DAAM1: variants seen among roughly 807,000 people sequenced by gnomAD.
DAAM1 encodes the protein dishevelled associated activator of morphogenesis 1.
DAAM1 carries 52 observed loss-of-function variants against 130.0 expected under a neutral mutation model. The ratio of observed to expected loss-of-function variants is 0.40; its 90% CI spans 0.32 to 0.50. The LOEUF (loss-of-function observed/expected upper bound fraction) is 0.50, where lower values mean the gene tolerates loss of function less well. Among genes scored for constraint, DAAM1 ranks in the 20% least tolerant of loss-of-function variants. DAAM1 has a pLI of 0.61. For missense variants in DAAM1, 1,134 were observed against 1,303.8 expected (o/e 0.87, Z 2.01); for synonymous variants, 452 against 444.5 (o/e 1.02, Z -0.21).
chr14:59,262,023 A>C (rs1173351132), intron 1 of DAAM1, among the ~76,000 whole-genome samples: 1 of 150,404 alleles, frequency 6.6e-6, no homozygotes, highest in African/African-American at 2.4e-5. Flanking sequence ...CTGCCCTTCC[A>C]TCTCTTGAAG....
chr14:59,214,109 G>A (rs182985320), intron 1 of DAAM1, among the ~76,000 whole-genome samples: 1 of 152,322 alleles, frequency 6.6e-6, no homozygotes, highest in East Asian at 1.9e-4. Flanking sequence ...CTGTGATTCC[G>A]AGGATCTTTG....
At chr14:59,320,903 A>G (rs1011376042) in intron 5 of DAAM1, among the ~76,000 whole-genome samples, 7 of 152,200 alleles carry the variant, frequency 4.6e-5, no homozygotes, top group African/African-American at 1.7e-4. Context: ...GGGTTTTAAC[A>G]GTTTCTCAGA....
At chr14:59,273,232 T>C (rs1008734) in intron 2 of DAAM1, among the ~76,000 whole-genome samples, 49,719 of 152,122 alleles carry the variant, frequency 0.33, 9,485 homozygotes, top group East Asian at 0.56. Flanking sequence ...TCTGAATGTA[T>C]ATTGTATCTT....
intron 3 of DAAM1, among the ~76,000 whole-genome samples, chr14:59,307,958 G>A (rs1884435301): frequency 6.6e-6 from 1 of 152,024 alleles, no homozygotes; most frequent in African/African-American, 2.4e-5. Context: ...TTTAGTTTAC[G>A]GCCAACTTTG....
chr14:59,348,659 G>C (rs1389037878), intron 17 of DAAM1, among the ~76,000 whole-genome samples: 1 of 152,216 alleles, frequency 6.6e-6, no homozygotes, highest in African/African-American at 2.4e-5. Flanking sequence ...GGTGTGCCCT[G>C]TTCCAAGAGC....
intron 1 of DAAM1, among the ~76,000 whole-genome samples, chr14:59,212,799 G>C (rs1888465280): frequency 6.6e-6 from 1 of 152,070 alleles, no homozygotes; most frequent in Non-Finnish European, 1.5e-5. Flanking sequence ...ATTTCAGATG[G>C]AATATTGTTT....
intron 12 of DAAM1, among the ~76,000 whole-genome samples, chr14:59,327,408 T>TTTTC (rs1481088469): frequency 1.6e-4 from 20 of 123,636 alleles, no homozygotes; most frequent in African/African-American, 6.7e-4. Flanking sequence ...GTTTCTTTTT[T>TTTTC]TTTTTTTTTT....
At chr14:59,245,509 T>C (rs141871970) in intron 1 of DAAM1, among the ~76,000 whole-genome samples, 2 of 152,230 alleles carry the variant, frequency 1.3e-5, no homozygotes, top group Non-Finnish European at 2.9e-5. Flanking sequence ...TAGACACTTT[T>C]AGTCTTTTAT....
chr14:59,318,173 A>G (rs576602393), intron 4 of DAAM1, among the ~76,000 whole-genome samples: 2 of 152,004 alleles, frequency 1.3e-5, no homozygotes, highest in East Asian at 3.9e-4. Flanking sequence ...CTTTCTTTAT[A>G]TGTGGTTTCT....
At chr14:59,275,982 C>T (rs1345296628) in intron 2 of DAAM1, among the ~76,000 whole-genome samples, 1 of 152,158 alleles carries the variant, frequency 6.6e-6, no homozygotes, top group Middle Eastern at 3.2e-3. Context: ...TTACCAATCC[C>T]TTTTAGGGCT....
At position 59,311,773 on chromosome 14, in the gene DAAM1, T is replaced by G. The variant is rs545932803; in HGVS notation, c.274-3507T>G. On this transcript the variant is annotated intron_variant, in intron 3 of 24. Transcript: ENST00000360909. ...GATCTTGCTATGTCACCCTGGCTGG[T>G]GAACTCCTAGGCTCAAGTGATCCTC... Among the ~76,000 whole-genome samples, 3 of 152,296 alleles carry G rather than the reference T, an allele frequency of 2.0e-5. No homozygotes were observed. The South Asian group carries it at 6.2e-4, about 32-fold the overall frequency.
intron 3 of DAAM1, among the ~76,000 whole-genome samples, chr14:59,309,917 A>G (rs1254576701): frequency 6.6e-6 from 1 of 152,170 alleles, no homozygotes; most frequent in African/African-American, 2.4e-5. Context: ...ATTCTCTAAC[A>G]TAAGAGTTCT....
intron 3 of DAAM1, among the ~76,000 whole-genome samples, chr14:59,305,099 G>A (rs1015686476): frequency 1.3e-5 from 2 of 152,164 alleles, no homozygotes; most frequent in East Asian, 3.8e-4. Context: ...ACCACTGATT[G>A]AATTTGCACG....
chr14:59,308,933 G>A (rs922704585), intron 3 of DAAM1, among the ~76,000 whole-genome samples: 3 of 152,232 alleles, frequency 2.0e-5, no homozygotes, highest in Admixed American at 6.5e-5. Context: ...GGTAACAGAT[G>A]TACTTGATAT....
intron 23 of DAAM1, among the ~76,000 whole-genome samples, chr14:59,364,175 A>T (rs796582425): frequency 6.6e-6 from 1 of 152,238 alleles, no homozygotes; most frequent in South Asian, 2.1e-4. Context: ...CAAATGTGCA[A>T]TCAGGTGTTA....
chr14:59,271,804 A>G (rs1056079218), intron 2 of DAAM1, among the ~76,000 whole-genome samples: 1 of 152,224 alleles, frequency 6.6e-6, no homozygotes, highest in African/African-American at 2.4e-5. Context: ...ACAAAAATCA[A>G]TGAAAAGTTT....
chr14:59,357,092 G>C (rs554235903), intron 20 of DAAM1, among the ~76,000 whole-genome samples: 1 of 152,350 alleles, frequency 6.6e-6, no homozygotes, highest in South Asian at 2.1e-4. Flanking sequence ...ATGTGTGGCT[G>C]TTGCTGTTCC....
chr14:59,304,083 T>A (rs895743414), intron 3 of DAAM1, among the ~76,000 whole-genome samples: 1 of 152,174 alleles, frequency 6.6e-6, no homozygotes, highest in African/African-American at 2.4e-5. Context: ...TTCTCTCTGG[T>A]TCTTGGCTGA....
intron 1 of DAAM1, among the ~76,000 whole-genome samples, chr14:59,255,791 T>C (rs554715732): frequency 6.6e-6 from 1 of 152,312 alleles, no homozygotes; most frequent in Admixed American, 6.5e-5. Context: ...ATGACTATAT[T>C]TTAGTGTTGA....
Sources: allele counts gnomAD v4.1 joint callset (sites outside exome capture counted in the v4.1 genomes callset), GRCh38; gene constraint gnomAD v4.1.1; transcripts MANE v1.5; gene names NCBI Gene and HGNC (gene_info 2026-07-23, HGNC 2026-07-21).